The following SCYL3 variants were observed in gnomAD, a reference collection of about 807,000 sequenced individuals.
SCYL3 encodes the protein SCY1 like pseudokinase 3, also known as protein-associating with the carboxyl-terminal domain of ezrin.
Under a neutral mutation model 73.8 loss-of-function variants are expected in SCYL3, and 35 were observed. The ratio of observed to expected loss-of-function variants is 0.47; its 90% CI spans 0.36 to 0.63. SCYL3 has a LOEUF of 0.63. Among genes scored for constraint, SCYL3 ranks in the 20% least tolerant of loss-of-function variants. SCYL3 has a pLI of 0.00. For synonymous variants in SCYL3, 277 were observed against 295.2 expected, an observed-to-expected ratio of 0.94 and a Z score of 0.63; for missense variants, 712 against 798.9, an observed-to-expected ratio of 0.89 and a Z score of 1.31.
intron 2 of SCYL3, among the ~76,000 whole-genome samples, chr1:169,888,376 A>T (rs375391582): frequency 1.3e-5 from 2 of 152,356 alleles, no homozygotes; most frequent in Non-Finnish European, 2.9e-5. Context: ...ATAGCTCCTT[A>T]TATCTTATAT....
Position 169,851,832 on chromosome 1 carries a change from GA to G in SCYL3, c.*1880del. 6.2e-7 allele frequency: 1 copy of G among 1,613,920 alleles called. No homozygotes were observed. The highest frequency in any genetic ancestry group is 8.5e-7 in the Non-Finnish European group (1 of 1,179,916). On this transcript the variant is annotated 3_prime_UTR_variant, in exon 13 of 13. Coordinates refer to ENST00000367771, the MANE Select transcript of SCYL3 (RefSeq NM_020423.7). The stretch of plus-strand genomic sequence containing the variant: ...TCCCTGGCAGACTGGGTTTGTAGAT[GA>G]AACTGAAGCTGCCAAAGTGGAACGT...
intron 1 of SCYL3, among the ~76,000 whole-genome samples, chr1:169,892,695 T>A (rs1477835864): frequency 6.6e-6 from 1 of 152,194 alleles, no homozygotes; most frequent in African/African-American, 2.4e-5. Context: ...CCTTTAATAA[T>A]CTCCCTCCAC....
At chr1:169,862,210 G>A (rs1659697791) in intron 10 of SCYL3, among the ~76,000 whole-genome samples, 1 of 152,212 alleles carries the variant, frequency 6.6e-6, no homozygotes, top group African/African-American at 2.4e-5. Flanking sequence ...CCCTTTGGTG[G>A]GCAAATCATA....
chr1:169,858,709 A>G (rs1237037504), intron 11 of SCYL3, among the ~76,000 whole-genome samples: 2 of 152,108 alleles, frequency 1.3e-5, no homozygotes, highest in East Asian at 1.9e-4. Flanking sequence ...GCCAATAGCA[A>G]TTTTTCAGCT....
chr1:169,855,802 G>C (rs545175163), intron 11 of SCYL3: 1 of 1,612,396 alleles, frequency 6.2e-7, no homozygotes, highest in South Asian at 1.1e-5. Flanking sequence ...CTACCTGTCT[G>C]TAAAAGAGTA....
intron 12 of SCYL3, 128 bp from the exon 13 acceptor site, chr1:169,853,900 A>AAAAT (rs746990856): frequency 3.0e-6 from 3 of 993,086 alleles, no homozygotes; most frequent in African/African-American, 1.6e-5. Context: ...CGTACTAAGT[A>AAAAT]AAATAACTTA....
chr1:169,881,061 T>A (rs1462148467), intron 2 of SCYL3, among the ~76,000 whole-genome samples: 1 of 152,140 alleles, frequency 6.6e-6, no homozygotes, highest in Non-Finnish European at 1.5e-5. Context: ...CGTGCCCAGG[T>A]GAAGGCCACA....
In SCYL3 at chr1:169,878,616, A is replaced by G. The variant is rs1267519844; in HGVS notation, c.351+18T>C. On this transcript the variant is annotated intron_variant, in intron 3 of 12. Coordinates refer to ENST00000367771, the MANE Select transcript of SCYL3 (RefSeq NM_020423.7). ...ATCTACATCAAAGTCTGTGATGCAGACTATACAGGTTACTTACTCTGTCAT... is the reference window on the plus strand; with the variant it reads ...ATCTACATCAAAGTCTGTGATGCAGGCTATACAGGTTACTTACTCTGTCAT... 3.1e-6 allele frequency: 5 copies of G among 1,590,330 alleles called. No individual in the cohort carries two copies. Among genetic ancestry groups the G allele is most frequent in the South Asian group, 1.1e-5 (1 of 87,796 alleles).
At chr1:169,867,749 T>G (rs1318687226) in intron 7 of SCYL3, among the ~76,000 whole-genome samples, 1 of 152,234 alleles carries the variant, frequency 6.6e-6, no homozygotes, top group South Asian at 2.1e-4. Context: ...CTCCTACTGT[T>G]GTCTCTTAAC....
At chr1:169,862,987 A>T (rs906196367) in intron 9 of SCYL3, among the ~76,000 whole-genome samples, 190 bp from the exon 10 acceptor site, 11 of 152,186 alleles carry the variant, frequency 7.2e-5, no homozygotes, top group Admixed American at 5.9e-4. Flanking sequence ...ATCTCGGCTC[A>T]CTGCAACCTC....
intron 6 of SCYL3, 86 bp downstream of exon 6, chr1:169,870,169 C>A (rs1660294903): frequency 1.0e-6 from 1 of 995,900 alleles, no homozygotes. Context: ...TGCTCAAAGA[C>A]TGTAGTCCTT....
In SCYL3 at chr1:169,864,485, C is replaced by T; in HGVS notation, c.839G>A (p.Cys280Tyr). The T allele has an allele frequency of 6.2e-7, 1 of 1,607,452 alleles. No individual in the cohort carries two copies. The highest frequency in any genetic ancestry group is 8.5e-7 in the Non-Finnish European group (1 of 1,177,930). The change falls in exon 9 of 13, where the codon TGC becomes TAC. Residue 280 changes from cysteine (C) to tyrosine (Y), a missense_variant. Physicochemically the swap from Cys to Tyr is radical, Grantham distance 194. Transcript: ENST00000367771. ...TGAAGCTATCAATTCCTCTGACAAG[C>T]AGCTGACTCTGTCCAGCAGAAATCT... ...FFKFLLDRVS[C>Y]LSEELIASRL...
In SCYL3 at chr1:169,863,044, C is replaced by A. The variant is rs184779375; in HGVS notation, c.956-247G>T. On this transcript the variant is annotated intron_variant, in intron 9 of 12. Coordinates refer to ENST00000367771, the MANE Select transcript of SCYL3 (RefSeq NM_020423.7). The stretch of plus-strand genomic sequence containing the variant: ...TCTCCTGCCTCAGCCTCCCGAGTAG[C>A]TGGGATTACAGGCACCCGCCACCAT... Among the ~76,000 whole-genome samples, 791 of 152,204 alleles carry A rather than the reference C, an allele frequency of 5.2e-3. 12 individuals are homozygous for A. Among genetic ancestry groups the A allele is most frequent in the African/African-American group, 0.018 (765 of 41,528 alleles).
In SCYL3 at chr1:169,852,413, G is replaced by A. The variant is rs1425836351; in HGVS notation, c.*1300C>T. The A allele has an allele frequency of 1.1e-5, 3 of 267,724 alleles. No homozygotes were observed. The Admixed American group carries it at 1.5e-4, about 13-fold the overall frequency. The allele number at this position is 267,724 out of a possible 1,614,324, so 16.6% of individuals were successfully genotyped here. On this transcript the variant is annotated 3_prime_UTR_variant, in exon 13 of 13. Coordinates refer to ENST00000367771, the MANE Select transcript of SCYL3 (RefSeq NM_020423.7). Reference sequence around the variant, plus strand: ...TATTAGTATAGTAATTAGTATAGTAGTAATTCATGAAGAACAACATTCTGA... The same window carrying A: ...TATTAGTATAGTAATTAGTATAGTAATAATTCATGAAGAACAACATTCTGA...
At chr1:169,888,282 A>C (rs1481888298) in intron 2 of SCYL3, among the ~76,000 whole-genome samples, 1 of 152,254 alleles carries the variant, frequency 6.6e-6, no homozygotes, top group Admixed American at 6.5e-5. Context: ...AACTACAAGG[A>C]TCTTTTCCCT....
In SCYL3 at chr1:169,854,746, C is replaced by T. The variant is rs1246075605; in HGVS notation, c.1531G>A (p.Val511Met). Residue 511 changes from valine to methionine, a missense_variant, in exon 12 of 13, where the codon GTG becomes ATG. Val to Met is a conservative substitution (Grantham distance 21). Around this residue, in one of 2 missense-constraint regions of SCYL3, gnomAD observed 370 missense variants for 350.8 expected, o/e 1.05. Transcript: ENST00000367771. ...CAGTCATCCCAAGATGACTCTTCCA[C>T]ATCCAAGGTAGTGCACTGGGACTTG... ...DVKSQCTTLD[V>M]EESSWDDCEP... 6.2e-7 allele frequency: 1 copy of T among 1,613,950 alleles called. No individual in the cohort carries two copies. Among genetic ancestry groups the T allele is most frequent in the African/African-American group, 1.3e-5 (1 of 74,894 alleles).
At chr1:169,875,058 A>G (rs1004452679) in intron 4 of SCYL3, among the ~76,000 whole-genome samples, 19 of 152,242 alleles carry the variant, frequency 1.2e-4, no homozygotes, top group Non-Finnish European at 2.6e-4. Flanking sequence ...TGCTATATAC[A>G]AAGTACACAA....
intron 7 of SCYL3, among the ~76,000 whole-genome samples, chr1:169,867,630 T>C (rs1388887691): frequency 6.6e-6 from 1 of 152,256 alleles, no homozygotes; most frequent in Non-Finnish European, 1.5e-5. Flanking sequence ...TCACATCTTA[T>C]GTTTATACCT....
In SCYL3 at chr1:169,853,134, G is replaced by A. The variant is rs1658641000; in HGVS notation, c.*579C>T. 1 of 779,986 alleles carries A rather than the reference G, an allele frequency of 1.3e-6. No individual in the cohort carries two copies. The highest frequency in any genetic ancestry group is 2.1e-6 in the Non-Finnish European group (1 of 486,708). 48.3% of individuals were successfully genotyped at this position (779,986 alleles called of 1,614,324 possible). A position where few individuals can be genotyped will look rare whatever the true frequency, so the allele number is the denominator to read the frequency against. On this transcript the variant is annotated 3_prime_UTR_variant, in exon 13 of 13. Coordinates refer to ENST00000367771, the MANE Select transcript of SCYL3 (RefSeq NM_020423.7). The stretch of plus-strand genomic sequence containing the variant: ...TTTGACATTTAGAGAACAGGATTGT[G>A]GGGAATATTCTTATTAAGAACTTTG...
Sources: gnomAD v4.1 joint callset for allele counts (sites outside exome capture counted in the v4.1 genomes callset) on GRCh38, gnomAD v4.1.1 for gene constraint, gnomAD v4.1.1 regional missense constraint, MANE v1.5 for transcripts, NCBI Gene and HGNC (gene_info 2026-07-23, HGNC 2026-07-21) for gene names.